The following RAB40B variants were observed in gnomAD, a reference collection of about 807,000 sequenced individuals.
RAB40B encodes the protein RAB40B, member RAS oncogene family.
RAB40B carries 21 observed loss-of-function variants against 24.0 expected under a neutral mutation model. That is an observed-to-expected ratio of 0.88 (90% CI 0.62 to 1.26). RAB40B has a LOEUF of 1.26. RAB40B is among the 50% of genes most tolerant of loss of function. The pLI, the probability that RAB40B is intolerant of heterozygous loss-of-function variation, is 0.00. For missense variants in RAB40B, 348 were observed against 390.5 expected, an observed-to-expected ratio of 0.89 and a Z score of 0.92; for synonymous variants, 167 against 169.8, an observed-to-expected ratio of 0.98 and a Z score of 0.13.
At chr17:82,668,598 C>A (rs751252182) in intron 1 of RAB40B, among the ~76,000 whole-genome samples, 1 of 152,274 alleles carries the variant, frequency 6.6e-6, no homozygotes, top group Non-Finnish European at 1.5e-5. Context: ...CAAGTGTGGA[C>A]CCACCCGGAT....
chr17:82,659,661 G>A lies in RAB40B; in HGVS notation c.265-4C>T. On this transcript the variant is annotated splice_region_variant and splice_polypyrimidine_tract_variant and intron_variant, in intron 3 of 5. Coordinates refer to ENST00000571995, the MANE Select transcript of RAB40B (RefSeq NM_006822.3). Reference sequence around the variant, plus strand: ...TGTCATAGACCAGGATCACACCCTGGGGGAGAGGTCACAGGCTCAGCACGC... The same window carrying A: ...TGTCATAGACCAGGATCACACCCTGAGGGAGAGGTCACAGGCTCAGCACGC... 1 of 1,614,034 alleles carries A rather than the reference G, an allele frequency of 6.2e-7. No homozygotes were observed. Among genetic ancestry groups the A allele is most frequent in the East Asian group, 2.2e-5 (1 of 44,888 alleles).
chr17:82,689,296 G>T (rs555471495), intron 1 of RAB40B, among the ~76,000 whole-genome samples: 9 of 152,362 alleles, frequency 5.9e-5, no homozygotes, highest in African/African-American at 2.2e-4. Context: ...CGTCCACTCT[G>T]CACCACGGTG....
chr17:82,674,642 A>G (rs1219624189), intron 1 of RAB40B, among the ~76,000 whole-genome samples: 3 of 151,580 alleles, frequency 2.0e-5, no homozygotes, highest in Non-Finnish European at 2.9e-5. Context: ...CGTCTTAAAA[A>G]AAAAAAAAAA....
intron 1 of RAB40B, among the ~76,000 whole-genome samples, chr17:82,666,090 C>T (rs1319927694): frequency 1.3e-5 from 2 of 151,510 alleles, no homozygotes; most frequent in African/African-American, 2.4e-5. Flanking sequence ...ACACCTGCCA[C>T]CGCACCTGCC....
At position 82,697,935 on chromosome 17, in the gene RAB40B, C is replaced by T. The variant is rs939709149; in HGVS notation, c.142+520G>A. Among the ~76,000 whole-genome samples, 8 of 152,152 alleles carry T rather than the reference C, an allele frequency of 5.3e-5. No individual in the cohort carries two copies. Among genetic ancestry groups the T allele is most frequent in the Admixed American group, 3.3e-4 (5 of 15,288 alleles). On this transcript the variant is annotated intron_variant, in intron 1 of 5. Transcript: ENST00000571995. This position sits in a 1 kb window ranked among gnomAD's most constrained non-coding sequence, Gnocchi z 4.9. Reference sequence around the variant, plus strand: ...CCTCGGGACCGGACCCTGGTCTCCCCTCCCCTCCGACCCACGCGCAGACCC... The same window carrying T: ...CCTCGGGACCGGACCCTGGTCTCCCTTCCCCTCCGACCCACGCGCAGACCC...
chr17:82,678,177 G>A lies in RAB40B; in HGVS notation c.143-13621C>T, dbSNP rs117735186. 6.6e-3 allele frequency among the ~76,000 whole-genome samples: 1,007 copies of A among 151,714 alleles called. 6 individuals carry two copies. The highest frequency in any genetic ancestry group is 0.012 in the Non-Finnish European group (786 of 67,956). On this transcript the variant is annotated intron_variant, in intron 1 of 5. Coordinates refer to ENST00000571995, the MANE Select transcript of RAB40B (RefSeq NM_006822.3). ...TGTGTTTGCTCTTTCGTTATTTACC[G>A]TTTCTCCTTCTCTGTGTTACCTTAC...
At chr17:82,674,463 C>G (rs1302149627) in intron 1 of RAB40B, among the ~76,000 whole-genome samples, 3 of 110,048 alleles carry the variant, frequency 2.7e-5, no homozygotes, top group Non-Finnish European at 3.7e-5. Flanking sequence ...AACCCCGTCT[C>G]TAGTAAAAAT....
At chr17:82,660,772 C>T (rs1369528142) in intron 3 of RAB40B, among the ~76,000 whole-genome samples, 2 of 152,284 alleles carry the variant, frequency 1.3e-5, no homozygotes, top group East Asian at 3.8e-4. Context: ...CATGCACACA[C>T]AGTCCCGTAA....
At position 82,658,319 on chromosome 17, in the gene RAB40B, A is replaced by G. The variant is rs559983120; in HGVS notation, c.565+172T>C. 1.9e-4 allele frequency: 200 copies of G among 1,066,322 alleles called. 2 individuals carry two copies. The South Asian group carries it at 2.9e-3, about 15-fold the overall frequency. The allele number at this position is 1,066,322 out of a possible 1,614,324, so 66.1% of individuals were successfully genotyped here. The stretch of plus-strand genomic sequence containing the variant: ...ACGTACAGATCCCAGGAGCTCCCTC[A>G]TGAGCTTTCTGACAAAGCTGTAGTC... On this transcript the variant is annotated intron_variant, in intron 5 of 5. Transcript: ENST00000571995.
chr17:82,674,357 C>T (rs369148363), intron 1 of RAB40B, among the ~76,000 whole-genome samples: 1 of 147,726 alleles, frequency 6.8e-6, no homozygotes, highest in Non-Finnish European at 1.5e-5. Flanking sequence ...AAAGACCAGG[C>T]GTGGTGGTTC....
Position 82,655,950 on chromosome 17 carries a change from CT to C in RAB40B, c.*1912del, listed in dbSNP as rs66478872. The C allele has an allele frequency of 0.33, 43,221 of 132,908 alleles. 7,121 individuals are homozygous for C. The highest frequency in any genetic ancestry group is 0.5 in the Middle Eastern group (130 of 260). 8.2% of individuals were successfully genotyped at this position (132,908 alleles called of 1,614,324 possible). On this transcript the variant is annotated 3_prime_UTR_variant, in exon 6 of 6. Transcript: ENST00000571995. ...CCTGATTCTAGGGTCCCTTAAATTT[CT>C]TTTTTTTTTTTTTTTTTAGATGGAG...
chr17:82,656,989 G>C lies in RAB40B; in HGVS notation c.*874C>G, dbSNP rs2046091277. On this transcript the variant is annotated 3_prime_UTR_variant, in exon 6 of 6. Transcript: ENST00000571995. ...AGATCGTGCCATTGTACTCCACCCT[G>C]GGCAACAAGAGCGAAACTCTGTCTC... 1 of 152,230 alleles carries C rather than the reference G, an allele frequency of 6.6e-6. No individual in the cohort carries two copies. The highest frequency in any genetic ancestry group is 1.5e-5 in the Non-Finnish European group (1 of 68,152). The allele number at this position is 152,230 out of a possible 1,614,324, so 9.4% of individuals were successfully genotyped here.
In RAB40B at chr17:82,694,786, C is replaced by G. The variant is rs2046592242; in HGVS notation, c.142+3669G>C. 4.6e-5 allele frequency among the ~76,000 whole-genome samples: 7 copies of G among 151,694 alleles called. 1 individual carries two copies. Among genetic ancestry groups the G allele is most frequent in the Admixed American group, 4.6e-4 (7 of 15,236 alleles). ...CCAGGGGATGGTGGAATGACAGCTGCAAAGTGTTGGGGAAGAAAATAAATC... is the reference window on the plus strand; with the variant it reads ...CCAGGGGATGGTGGAATGACAGCTGGAAAGTGTTGGGGAAGAAAATAAATC... On this transcript the variant is annotated intron_variant, in intron 1 of 5. Coordinates refer to ENST00000571995, the MANE Select transcript of RAB40B (RefSeq NM_006822.3).
At position 82,675,397 on chromosome 17, in the gene RAB40B, G is replaced by A. The variant is rs1245760919; in HGVS notation, c.143-10841C>T. On this transcript the variant is annotated intron_variant, in intron 1 of 5. Coordinates refer to ENST00000571995, the MANE Select transcript of RAB40B (RefSeq NM_006822.3). The surrounding 1 kb of genome is among the most constrained non-coding windows in gnomAD (Gnocchi z 4.5). ...CTGTCTGACGTGGTCTCCACCAAGC[G>A]CTGGCTTCCTTCACAGCAGCACTTG... is the stretch of plus-strand genomic sequence containing the variant. Among the ~76,000 whole-genome samples, 4 of 152,110 alleles carry A rather than the reference G, an allele frequency of 2.6e-5. No individual in the cohort carries two copies. The highest frequency in any genetic ancestry group is 4.4e-5 in the Non-Finnish European group (3 of 68,024).
chr17:82,658,197 TG>T, intron 5 of RAB40B, 63 bp from the exon 6 acceptor site: 1 of 1,567,612 alleles, frequency 6.4e-7, no homozygotes, highest in South Asian at 1.2e-5. Context: ...GAATGAGGGG[TG>T]GTGCCCACAC....
rs2046099451 is a variant in RAB40B at position 82,657,677 on chromosome 17, T to C, written c.*186A>G. The stretch of plus-strand genomic sequence containing the variant: ...ACACACATCGAAAACAAGAGCTTCA[T>C]GCACATCCACGTAGAAATTCGAAGT... On this transcript the variant is annotated 3_prime_UTR_variant, in exon 6 of 6. Transcript: ENST00000571995. The C allele has an allele frequency of 4.0e-6, 3 of 754,824 alleles. No individual in the cohort carries two copies. The highest frequency in any genetic ancestry group is 3.8e-5 in the Admixed American group (2 of 52,094). The allele number at this position is 754,824 out of a possible 1,614,324, so 46.8% of individuals were successfully genotyped here. A position where few individuals can be genotyped will look rare whatever the true frequency, so the allele number is the denominator to read the frequency against.
chr17:82,664,006 G>A (rs890125424), intron 2 of RAB40B, among the ~76,000 whole-genome samples: 6 of 133,644 alleles, frequency 4.5e-5, no homozygotes, highest in African/African-American at 8.5e-5. Flanking sequence ...GGGTGTTCCC[G>A]GGGGCGCTGT....
At chr17:82,689,448 G>T (rs1425016741) in intron 1 of RAB40B, among the ~76,000 whole-genome samples, 1 of 152,228 alleles carries the variant, frequency 6.6e-6, no homozygotes, top group Non-Finnish European at 1.5e-5. Context: ...CCTGTCACTG[G>T]AAATCAGGTT....
Position 82,657,402 on chromosome 17 carries a change from T to G in RAB40B, c.*461A>C. ...CACATAACCTCTACATCTGCAGCGT[T>G]TTATAAATTGGCGCTTTGACATTGA... On this transcript the variant is annotated 3_prime_UTR_variant, in exon 6 of 6. Transcript: ENST00000571995. 3.2e-6 allele frequency: 1 copy of G among 311,072 alleles called. No individual in the cohort carries two copies. Among genetic ancestry groups the G allele is most frequent in the Non-Finnish European group, 6.3e-6 (1 of 159,870 alleles). The allele number at this position is 311,072 out of a possible 1,614,324, so 19.3% of individuals were successfully genotyped here. A position where few individuals can be genotyped will look rare whatever the true frequency, so the allele number is the denominator to read the frequency against.
Sources: allele counts gnomAD v4.1 joint callset (sites outside exome capture counted in the v4.1 genomes callset), GRCh38; gene constraint gnomAD v4.1.1; non-coding constraint Gnocchi (gnomAD v3.1); transcripts MANE v1.5; gene names NCBI Gene and HGNC (gene_info 2026-07-23, HGNC 2026-07-21).